The following SAMMSON variants were observed in gnomAD, a reference collection of about 807,000 sequenced individuals.
The protein encoded by SAMMSON is survival associated mitochondrial melanoma specific oncogenic non-coding RNA, also known as long intergenic non-protein coding RNA 1212.
At chr3:70,288,915 G>C (rs2106690195) in intron 6 of SAMMSON, among the ~76,000 whole-genome samples, 1 of 151,866 alleles carries the variant, frequency 6.6e-6, no homozygotes, top group African/African-American at 2.4e-5. Context: ...TTGCTTGGTA[G>C]ATCTTCCTCC....
At chr3:70,297,714 T>A (rs184232508) in intron 7 of SAMMSON, among the ~76,000 whole-genome samples, 17 of 152,246 alleles carry the variant, frequency 1.1e-4, no homozygotes, top group African/African-American at 3.8e-4. Context: ...TATTATTATT[T>A]TTTTCCTTTT....
intron 7 of SAMMSON, among the ~76,000 whole-genome samples, chr3:70,295,829 C>G (rs1056394465): frequency 6.6e-6 from 1 of 152,120 alleles, no homozygotes. Context: ...AATTATAATA[C>G]CTTATTTTTT....
intron 3 of SAMMSON, among the ~76,000 whole-genome samples, chr3:70,017,361 A>G (rs2066990460): frequency 6.6e-6 from 1 of 151,964 alleles, no homozygotes; most frequent in African/African-American, 2.4e-5. Context: ...TGTGAATGGG[A>G]GTTCACTCAT....
intron 1 of SAMMSON, among the ~76,000 whole-genome samples, chr3:70,002,957 A>G (rs2066911820): frequency 6.6e-6 from 1 of 152,170 alleles, no homozygotes; most frequent in Non-Finnish European, 1.5e-5. Flanking sequence ...ATGTTAAAAT[A>G]TCCTACTATG....
intron 3 of SAMMSON, among the ~76,000 whole-genome samples, chr3:70,050,573 T>C (rs2067142286): frequency 6.6e-6 from 1 of 152,060 alleles, no homozygotes; most frequent in South Asian, 2.1e-4. Flanking sequence ...ACTTGACACA[T>C]AGGCAATTAG....
At chr3:70,397,572 G>C (rs1160310274) in intron 2 of SAMMSON, among the ~76,000 whole-genome samples, 1 of 152,052 alleles carries the variant, frequency 6.6e-6, no homozygotes, top group Non-Finnish European at 1.5e-5. Flanking sequence ...GTCCACTTTC[G>C]GATTAACAAT....
intron 4 of SAMMSON, among the ~76,000 whole-genome samples, chr3:70,107,852 T>C (rs530567474): frequency 6.6e-6 from 1 of 152,280 alleles, no homozygotes; most frequent in South Asian, 2.1e-4. Context: ...ATTTGGATTC[T>C]TGCTTCTTAA....
At chr3:70,004,983 G>C (rs1156528713) in intron 1 of SAMMSON, among the ~76,000 whole-genome samples, 1 of 152,170 alleles carries the variant, frequency 6.6e-6, no homozygotes, top group African/African-American at 2.4e-5. Flanking sequence ...ATCCAGCATT[G>C]TTTCACTGAG....
At chr3:70,282,406 G>C (rs572986388) in intron 6 of SAMMSON, among the ~76,000 whole-genome samples, 28 of 152,112 alleles carry the variant, frequency 1.8e-4, no homozygotes, top group Non-Finnish European at 3.7e-4. Context: ...GATCATGTTA[G>C]TTACAGAAGC....
intron 3 of SAMMSON, among the ~76,000 whole-genome samples, chr3:70,047,880 C>A (rs1476936335): frequency 1.3e-5 from 2 of 152,046 alleles, no homozygotes; most frequent in Non-Finnish European, 2.9e-5. Flanking sequence ...CTCTTGCAAA[C>A]CATTTTTTAT....
intron 9 of SAMMSON, among the ~76,000 whole-genome samples, chr3:70,360,631 C>G (rs2106739753): frequency 6.6e-6 from 1 of 152,182 alleles, no homozygotes; most frequent in East Asian, 1.9e-4. Flanking sequence ...GGATGGTAGA[C>G]ATAGAATTTG....
chr3:70,148,626 A>G (rs550654840), intron 4 of SAMMSON, among the ~76,000 whole-genome samples: 1 of 152,134 alleles, frequency 6.6e-6, no homozygotes, highest in Admixed American at 6.5e-5. Flanking sequence ...GTGTGCACAG[A>G]TCATATGGCC....
At chr3:70,079,363 C>T (rs1423616919) in intron 4 of SAMMSON, among the ~76,000 whole-genome samples, 1 of 152,090 alleles carries the variant, frequency 6.6e-6, no homozygotes, top group East Asian at 1.9e-4. Context: ...TGCTACAAAT[C>T]GAGGCTTCCC....
At chr3:70,135,677 C>G (rs1262133261) in intron 4 of SAMMSON, among the ~76,000 whole-genome samples, 1 of 152,138 alleles carries the variant, frequency 6.6e-6, no homozygotes, top group Non-Finnish European at 1.5e-5. Flanking sequence ...CAGTGCATAT[C>G]CTTCTAGTCT....
At chr3:70,377,603 G>A (rs143879998) in intron 9 of SAMMSON, among the ~76,000 whole-genome samples, 366 of 152,088 alleles carry the variant, frequency 2.4e-3, no homozygotes, top group African/African-American at 8.4e-3. Flanking sequence ...AAGCAATTCA[G>A]AAACTCAGAG....
At chr3:70,358,263 A>G (rs1702844519) in exon 9 of SAMMSON, 2 of 152,168 alleles carry the variant, frequency 1.3e-5, no homozygotes, top group East Asian at 1.9e-4. Flanking sequence ...GGTTGGGAAC[A>G]TGACCTAATG....
intron 6 of SAMMSON, among the ~76,000 whole-genome samples, chr3:70,252,889 G>A (rs1280017093): frequency 6.6e-6 from 1 of 151,922 alleles, no homozygotes; most frequent in Admixed American, 6.6e-5. Context: ...AGACCAGCGT[G>A]GCCAACATCG....
chr3:70,200,560 C>T (rs944656189), intron 4 of SAMMSON, among the ~76,000 whole-genome samples: 3 of 152,184 alleles, frequency 2.0e-5, no homozygotes, highest in African/African-American at 7.2e-5. Context: ...TAGCTTTAAA[C>T]ACCTTCCCTT....
At chr3:70,427,814 TG>T (rs1015653324) in intron 2 of SAMMSON, among the ~76,000 whole-genome samples, 1 of 152,066 alleles carries the variant, frequency 6.6e-6, no homozygotes, top group Admixed American at 6.5e-5. Context: ...TGGAAATAGT[TG>T]CGGAGTCTCT....
Sources: gnomAD v4.1 joint callset for allele counts (sites outside exome capture counted in the v4.1 genomes callset) on GRCh38, gnomAD v4.1.1 for gene constraint, MANE v1.5 for transcripts, NCBI Gene and HGNC (gene_info 2026-07-23, HGNC 2026-07-21) for gene names.